ACTR2: variants seen among roughly 807,000 people sequenced by gnomAD.
ACTR2 encodes actin-related protein 2.
In ACTR2, 5 loss-of-function variants were observed where a neutral mutation model predicts 50.2. That is an observed-to-expected ratio of 0.10 (90% CI 0.05 to 0.21). ACTR2 has a LOEUF of 0.21. ACTR2 is among the 10% of genes least tolerant of loss of function. ACTR2 has a pLI of 1.00. For missense variants in ACTR2, 180 were observed against 480.6 expected, an observed-to-expected ratio of 0.37 and a Z score of 5.85; for synonymous variants, 140 against 162.9, an observed-to-expected ratio of 0.86 and a Z score of 1.07.
At chr2:65,239,727 G>A (rs997822338) in intron 1 of ACTR2, 125 bp from the exon 2 acceptor site, 31 of 667,524 alleles carry the variant, frequency 4.6e-5, no homozygotes, top group African/African-American at 4.4e-4. Flanking sequence ...GCTACTTCGG[G>A]TGGACTGAAA....
chr2:65,253,491 C>T (rs898938866), intron 4 of ACTR2, among the ~76,000 whole-genome samples: 2 of 151,900 alleles, frequency 1.3e-5, no homozygotes, highest in African/African-American at 4.8e-5. Context: ...TCCTCAGTCT[C>T]AGGGTCTGTT....
At chr2:65,249,285 C>T (rs1006019703) in intron 3 of ACTR2, among the ~76,000 whole-genome samples, 1 of 152,044 alleles carries the variant, frequency 6.6e-6, no homozygotes, top group African/African-American at 2.4e-5. Context: ...ATTTTTAAAG[C>T]CTGTATTAAA....
chr2:65,239,079 G>A (rs1038127924), intron 1 of ACTR2, among the ~76,000 whole-genome samples: 3 of 152,230 alleles, frequency 2.0e-5, no homozygotes, highest in Non-Finnish European at 2.9e-5. Flanking sequence ...TTCTCTAAGC[G>A]ATTTGCCCAA....
chr2:65,230,105 C>T (rs1196674477), intron 1 of ACTR2, among the ~76,000 whole-genome samples: 2 of 152,154 alleles, frequency 1.3e-5, no homozygotes, highest in Non-Finnish European at 2.9e-5. Flanking sequence ...TATATTTAAA[C>T]TAAATTAACC....
chr2:65,247,199 T>TCTAATAGCCTACTGTTGACCAGAA, intron 3 of ACTR2, among the ~76,000 whole-genome samples: 1 of 152,276 alleles, frequency 6.6e-6, no homozygotes, highest in South Asian at 2.1e-4. Context: ...ATACTTAACT[T>TCTAATAGCCTACTGTTGACCAGAA]CTAATAGCCT....
chr2:65,266,504 C>T (rs998339418), intron 8 of ACTR2, among the ~76,000 whole-genome samples: 1 of 152,048 alleles, frequency 6.6e-6, no homozygotes, highest in African/African-American at 2.4e-5. Context: ...AGGTCTTGTT[C>T]AGCCATGGTA....
Position 65,251,304 on chromosome 2 carries a change from TAA to T in ACTR2, c.448+214_448+215del, listed in dbSNP as rs34710706. Among the ~76,000 whole-genome samples the T allele has an allele frequency of 3.4e-3, 514 of 151,168 alleles. 1 individual carries two copies. Among genetic ancestry groups the T allele is most frequent in the African/African-American group, 0.012 (475 of 41,296 alleles). ...TTATTTGCTAAATATGTATTTAAGG[TAA>T]AAAAAAAAGGCTTAAAGACTTATTT... On this transcript the variant is annotated intron_variant, in intron 4 of 8. Transcript: ENST00000260641.
intron 3 of ACTR2, among the ~76,000 whole-genome samples, chr2:65,248,226 G>A (rs959353595): frequency 1.3e-5 from 2 of 151,884 alleles, no homozygotes; most frequent in Non-Finnish European, 2.9e-5. Flanking sequence ...ATAGTGAAAC[G>A]CCATCTCTAC....
In ACTR2 at chr2:65,261,408, T is replaced by A. The variant is rs1440901824; in HGVS notation, c.881+16T>A. ...TTGATACCAGGTACATTAGAAGTGG[T>A]GATTTCAAAGTTATTTATCAGAAAA... On this transcript the variant is annotated intron_variant, in intron 7 of 8. Coordinates refer to ENST00000260641, the MANE Select transcript of ACTR2 (RefSeq NM_005722.4). 7 of 1,596,572 alleles carry A rather than the reference T, an allele frequency of 4.4e-6. No individual in the cohort carries two copies. Among genetic ancestry groups the A allele is most frequent in the Non-Finnish European group, 6.0e-6 (7 of 1,172,056 alleles).
At chr2:65,247,709 T>C (rs1046430155) in intron 3 of ACTR2, among the ~76,000 whole-genome samples, 1 of 152,196 alleles carries the variant, frequency 6.6e-6, no homozygotes, top group Non-Finnish European at 1.5e-5. Context: ...GGGTTGGTCT[T>C]GCTGTCTCGG....
chr2:65,242,755 T>C (rs1671864892), intron 2 of ACTR2: 1 of 390,196 alleles, frequency 2.6e-6, no homozygotes, highest in Non-Finnish European at 5.1e-6. Context: ...TAACTCTTCA[T>C]TGTATTTTTC....
chr2:65,255,471 T>C (rs1416029791), intron 5 of ACTR2, 74 bp from the exon 6 acceptor site: 5 of 1,325,548 alleles, frequency 3.8e-6, no homozygotes, highest in Non-Finnish European at 5.2e-6. Context: ...ACATATTTAA[T>C]GAGCATTACT....
intron 8 of ACTR2, 108 bp from the exon 9 acceptor site, chr2:65,268,456 C>T: frequency 1.0e-6 from 1 of 955,614 alleles, no homozygotes; most frequent in South Asian, 1.8e-5. Flanking sequence ...ACTTATATTA[C>T]AGGACTGTTG....
At chr2:65,250,157 G>C (rs986357180) in intron 3 of ACTR2, among the ~76,000 whole-genome samples, 3 of 152,052 alleles carry the variant, frequency 2.0e-5, no homozygotes, top group African/African-American at 7.2e-5. Context: ...GAGGTCAGGA[G>C]ATGGAGACCA....
chr2:65,264,573 T>C (rs1672338598), intron 7 of ACTR2, among the ~76,000 whole-genome samples: 1 of 152,068 alleles, frequency 6.6e-6, no homozygotes, highest in Admixed American at 6.6e-5. Flanking sequence ...ATAAGAAGCA[T>C]ACACATCAGT....
chr2:65,238,222 A>C (rs1671774809), intron 1 of ACTR2, among the ~76,000 whole-genome samples: 1 of 152,180 alleles, frequency 6.6e-6, no homozygotes, highest in African/African-American at 2.4e-5. Flanking sequence ...GATTCTCTCA[A>C]GTTTTACTGT....
At chr2:65,257,842 A>C (rs950884157) in intron 6 of ACTR2, among the ~76,000 whole-genome samples, 2 of 152,104 alleles carry the variant, frequency 1.3e-5, no homozygotes, top group Non-Finnish European at 2.9e-5. Flanking sequence ...CTGGTTATTA[A>C]GGCTTTGTCA....
intron 3 of ACTR2, among the ~76,000 whole-genome samples, chr2:65,250,803 G>A (rs1268661057): frequency 1.3e-5 from 2 of 151,640 alleles, no homozygotes; most frequent in African/African-American, 2.4e-5. Context: ...GCTTTGTCAC[G>A]CTTATGAAAT....
At position 65,261,304 on chromosome 2, in the gene ACTR2, T is replaced by G; in HGVS notation, c.793T>G (p.Leu265Val). 3 of 1,614,108 alleles carry G rather than the reference T, an allele frequency of 1.9e-6. No homozygotes were observed. The highest frequency in any genetic ancestry group is 2.5e-6 in the Non-Finnish European group (3 of 1,180,004). Residue 265 changes from leucine to valine, a missense_variant, in exon 7 of 9, where the codon TTA becomes GTA. Physicochemically the swap from Leu to Val is conservative, Grantham distance 32. Transcript: ENST00000260641. ...AGAGAGATTTGAAGCACCAGAAGCTTTATTTCAGCCTCACTTGATCAATGT... is the reference window on the plus strand; with the variant it reads ...AGAGAGATTTGAAGCACCAGAAGCTGTATTTCAGCCTCACTTGATCAATGT... ...GGERFEAPEALFQPHLINVEG... is the reference protein window; with the variant it reads ...GGERFEAPEAVFQPHLINVEG...
Sources: allele counts gnomAD v4.1 joint callset (sites outside exome capture counted in the v4.1 genomes callset), GRCh38; gene constraint gnomAD v4.1.1; transcripts MANE v1.5; gene names NCBI Gene and HGNC (gene_info 2026-07-23, HGNC 2026-07-21).